Variants in PIBF1 observed in about 807,000 individuals in gnomAD.
The protein encoded by PIBF1 is progesterone-induced-blocking factor 1.
PIBF1 carries 90 observed loss-of-function variants against 112.5 expected under a neutral mutation model. That is an observed-to-expected ratio of 0.80 (90% CI 0.67 to 0.95). The LOEUF is 0.95. Ranked by LOEUF, PIBF1 falls within the 40% of genes least tolerant of loss-of-function variation. The pLI is 0.00. For synonymous variants in PIBF1, 301 were observed against 288.6 expected (o/e 1.04, Z -0.44); for missense variants, 915 against 852.3 (o/e 1.07, Z -0.92).
At chr13:72,853,202 T>A (rs1264798301) in intron 9 of PIBF1, among the ~76,000 whole-genome samples, 1 of 152,180 alleles carries the variant, frequency 6.6e-6, no homozygotes, top group Non-Finnish European at 1.5e-5. Flanking sequence ...TAGTCATTGT[T>A]GTTATCTTCC....
intron 17 of PIBF1, among the ~76,000 whole-genome samples, chr13:73,005,304 A>AG (rs2043997191): frequency 6.6e-6 from 1 of 151,786 alleles, no homozygotes; most frequent in East Asian, 1.9e-4. Context: ...CAAAAAAAAA[A>AG]AAAAAATTTT....
chr13:72,972,239 C>A (rs2042914597), intron 15 of PIBF1, among the ~76,000 whole-genome samples: 1 of 151,602 alleles, frequency 6.6e-6, no homozygotes, highest in African/African-American at 2.4e-5. Flanking sequence ...TCTGTGTTGC[C>A]CAGACTAGGC....
At position 72,917,059 on chromosome 13, in the gene PIBF1, A is replaced by T. The variant is rs768857110; in HGVS notation, c.1640-17A>T. ...AAAATAAAGTTATTTCACATTATACACTTTAATATTTTCCAGTTGAAAATG... is the reference window on the plus strand; with the variant it reads ...AAAATAAAGTTATTTCACATTATACTCTTTAATATTTTCCAGTTGAAAATG... On this transcript the variant is annotated splice_polypyrimidine_tract_variant and intron_variant, in intron 12 of 17. Coordinates refer to ENST00000326291, the MANE Select transcript of PIBF1 (RefSeq NM_006346.4). The T allele has an allele frequency of 2.7e-6, 4 of 1,480,592 alleles. No individual in the cohort carries two copies. Among genetic ancestry groups the T allele is most frequent in the Non-Finnish European group, 3.7e-6 (4 of 1,081,638 alleles). 91.7% of individuals were successfully genotyped at this position (1,480,592 alleles called of 1,614,324 possible).
intron 14 of PIBF1, among the ~76,000 whole-genome samples, chr13:72,938,759 G>T (rs1473179683): frequency 2.0e-5 from 3 of 152,142 alleles, no homozygotes; most frequent in Non-Finnish European, 4.4e-5. Context: ...GTTTTTCGTA[G>T]TGACTATGCC....
At chr13:72,851,844 C>A (rs2038174050) in intron 9 of PIBF1, among the ~76,000 whole-genome samples, 1 of 152,184 alleles carries the variant, frequency 6.6e-6, no homozygotes, top group South Asian at 2.1e-4. Flanking sequence ...GAGGAGCTAC[C>A]AACTGTGGGT....
At position 72,999,000 on chromosome 13, in the gene PIBF1, G is replaced by A; in HGVS notation, c.2223+5G>A. 1 of 1,529,656 alleles carries A rather than the reference G, an allele frequency of 6.5e-7. No individual in the cohort carries two copies. Among genetic ancestry groups the A allele is most frequent in the Non-Finnish European group, 8.9e-7 (1 of 1,126,726 alleles). The allele number at this position is 1,529,656 out of a possible 1,614,324, so 94.8% of individuals were successfully genotyped here. A position where few individuals can be genotyped will look rare whatever the true frequency, so the allele number is the denominator to read the frequency against. ...ACACCTAAACCAACACTCTTTGTAA[G>A]TACAATTTTTAAAACTCATAATTTT... On this transcript the variant is annotated splice_donor_5th_base_variant and intron_variant, in intron 17 of 17. Coordinates refer to ENST00000326291, the MANE Select transcript of PIBF1 (RefSeq NM_006346.4).
chr13:72,888,830 AAAAC>A lies in PIBF1; in HGVS notation c.1323-4949_1323-4946del, dbSNP rs55917163. 5.0e-4 allele frequency among the ~76,000 whole-genome samples: 76 copies of A among 151,914 alleles called. No homozygotes were observed. The South Asian group carries it at 6.2e-3, about 12-fold the overall frequency. On this transcript the variant is annotated intron_variant, in intron 10 of 17. Transcript: ENST00000326291. ...TGTGATATACATACATGTTTAAAAA[AAAAC>A]AAACCTCTTAGATACACAGAAAACT...
chr13:73,008,677 A>G (rs2044110832), intron 17 of PIBF1, among the ~76,000 whole-genome samples: 1 of 152,186 alleles, frequency 6.6e-6, no homozygotes. Flanking sequence ...AAACATGACA[A>G]ATGCTATGGA....
chr13:72,886,957 T>C (rs9543159), intron 10 of PIBF1, among the ~76,000 whole-genome samples: 113,011 of 151,670 alleles, frequency 0.75, 42,487 homozygotes, highest in South Asian at 0.82. Context: ...TAAAAGTTTT[T>C]CCTAGTTTGT....
chr13:72,937,849 A>G (rs1367795036), intron 14 of PIBF1, among the ~76,000 whole-genome samples: 1 of 152,136 alleles, frequency 6.6e-6, no homozygotes, highest in Non-Finnish European at 1.5e-5. Context: ...AAACAGTGAT[A>G]ATCTTATAAA....
At chr13:72,943,442 A>AAT (rs1367147262) in intron 14 of PIBF1, among the ~76,000 whole-genome samples, 10 of 152,358 alleles carry the variant, frequency 6.6e-5, no homozygotes, top group African/African-American at 2.4e-4. Flanking sequence ...CATGTATCAA[A>AAT]ATATCACATA....
chr13:72,989,246 A>G (rs2043397176), intron 16 of PIBF1, among the ~76,000 whole-genome samples: 2 of 152,210 alleles, frequency 1.3e-5, no homozygotes, highest in Admixed American at 1.3e-4. Flanking sequence ...ACAAAAATTT[A>G]CACACAAAAC....
In PIBF1 at chr13:72,914,883, A is replaced by G. The variant is rs76860819; in HGVS notation, c.1640-2193A>G. Among the ~76,000 whole-genome samples the G allele has an allele frequency of 8.1e-3, 1,226 of 152,226 alleles. 14 individuals carry two copies. Among genetic ancestry groups the G allele is most frequent in the African/African-American group, 0.028 (1,154 of 41,538 alleles). On this transcript the variant is annotated intron_variant, in intron 12 of 17. Coordinates refer to ENST00000326291, the MANE Select transcript of PIBF1 (RefSeq NM_006346.4). ...GCATAAGCCACCATGCACAGCTGAA[A>G]ATTTAACATTATTTGCATTTCCTCT...
intron 14 of PIBF1, among the ~76,000 whole-genome samples, chr13:72,953,806 G>A (rs1201217748): frequency 6.6e-6 from 1 of 152,118 alleles, no homozygotes; most frequent in Admixed American, 6.5e-5. Context: ...GCTTGCAAAA[G>A]AGTACCAGGT....
At chr13:72,863,732 T>G (rs1178086676) in intron 10 of PIBF1, among the ~76,000 whole-genome samples, 1 of 151,986 alleles carries the variant, frequency 6.6e-6, no homozygotes, top group Non-Finnish European at 1.5e-5. Flanking sequence ...ATTAAAACTA[T>G]TCTGCAATAA....
rs533908392 is a variant in PIBF1, at chr13:73,004,762, G to A, written c.2223+5767G>A. 5.9e-5 allele frequency among the ~76,000 whole-genome samples: 9 copies of A among 152,286 alleles called. No homozygotes were observed. In the South Asian group the frequency reaches 1.4e-3, roughly 25 times the overall value. On this transcript the variant is annotated intron_variant, in intron 17 of 17. Coordinates refer to ENST00000326291, the MANE Select transcript of PIBF1 (RefSeq NM_006346.4). ...TAGAGTGGTGGTTGTCAGGGGCTAG[G>A]GGGTATGGGGATTTATTGTTTAACA...
Position 72,854,172 on chromosome 13 carries a change from T to C in PIBF1, c.1322+17T>C, listed in dbSNP as rs372901932. ...CTTAGACAGGTAAGCATCATAAAAA[T>C]AGAAATGTTAAAACTCTTCCATTAT... On this transcript the variant is annotated intron_variant, in intron 10 of 17. Coordinates refer to ENST00000326291, the MANE Select transcript of PIBF1 (RefSeq NM_006346.4). The C allele has an allele frequency of 8.8e-5, 131 of 1,481,152 alleles. 1 individual carries two copies. The Middle Eastern group carries it at 1.6e-3, about 18-fold the overall frequency. The allele number at this position is 1,481,152 out of a possible 1,614,324, so 91.8% of individuals were successfully genotyped here. A position where few individuals can be genotyped will look rare whatever the true frequency, so the allele number is the denominator to read the frequency against.
chr13:72,899,963 G>A (rs973428536), intron 11 of PIBF1, among the ~76,000 whole-genome samples: 12 of 152,022 alleles, frequency 7.9e-5, no homozygotes, highest in East Asian at 3.8e-4. Context: ...CACCAACAGC[G>A]ACCAGGCAGA....
chr13:72,844,534 G>T, intron 9 of PIBF1, among the ~76,000 whole-genome samples: 1 of 151,794 alleles, frequency 6.6e-6, no homozygotes, highest in Non-Finnish European at 1.5e-5. Flanking sequence ...TTCCCTCCCT[G>T]TTTCCATGTG....
Sources: allele counts gnomAD v4.1 joint callset (sites outside exome capture counted in the v4.1 genomes callset), GRCh38; gene constraint gnomAD v4.1.1; transcripts MANE v1.5; gene names NCBI Gene and HGNC (gene_info 2026-07-23, HGNC 2026-07-21).